The following DSCAML1 variants were observed in gnomAD, a reference collection of about 807,000 sequenced individuals.
DSCAML1 encodes the protein DS cell adhesion molecule like 1.
A neutral mutation model predicts 200.5 loss-of-function variants in DSCAML1; 38 were observed. The observed-to-expected ratio is 0.19, with a 90% CI of 0.15 to 0.25. The LOEUF is 0.25. DSCAML1 is among the 10% of genes least tolerant of loss of function. The probability of loss-of-function intolerance (pLI) is 1.00; values close to 1 mark genes in which losing one functional copy is unlikely to be tolerated. For synonymous variants in DSCAML1, 1,215 were observed against 1,165.0 expected, an observed-to-expected ratio of 1.04 and a Z score of -0.87; for missense variants, 2,223 against 2,858.8, an observed-to-expected ratio of 0.78 and a Z score of 5.07.
At chr11:117,548,884 T>G (rs777624219) in intron 3 of DSCAML1, among the ~76,000 whole-genome samples, 14 of 152,242 alleles carry the variant, frequency 9.2e-5, no homozygotes, top group Non-Finnish European at 1.9e-4. Context: ...GCCGTGGAAC[T>G]GTGCCTCACA....
chr11:117,805,495 GAAA>G (rs1200288061), intron 1 of DSCAML1, among the ~76,000 whole-genome samples: 2 of 152,220 alleles, frequency 1.3e-5, no homozygotes, highest in East Asian at 3.9e-4. Context: ...AATAGGTTTG[GAAA>G]ACAGTGGAAT....
chr11:117,579,361 T>A (rs1184187486), intron 3 of DSCAML1, among the ~76,000 whole-genome samples: 1 of 152,202 alleles, frequency 6.6e-6, no homozygotes, highest in Non-Finnish European at 1.5e-5. Context: ...GGCTCCCCTA[T>A]CCTTGTTGAT....
chr11:117,435,869 T>C (rs1385002177), intron 26 of DSCAML1, 70 bp from the exon 27 acceptor site: 1 of 1,521,116 alleles, frequency 6.6e-7, no homozygotes, highest in Non-Finnish European at 8.9e-7. Context: ...ATCTCATGGG[T>C]GGGGCAGTCC....
chr11:117,444,786 T>C (rs1013643300), intron 20 of DSCAML1, among the ~76,000 whole-genome samples: 9 of 152,312 alleles, frequency 5.9e-5, no homozygotes, highest in Non-Finnish European at 8.8e-5. Flanking sequence ...GGCTCAGATA[T>C]TGAAATGAAT....
At chr11:117,721,836 C>T (rs2054047244) in intron 3 of DSCAML1, among the ~76,000 whole-genome samples, 2 of 147,480 alleles carry the variant, frequency 1.4e-5, no homozygotes, top group South Asian at 4.2e-4. Flanking sequence ...GAGACAGAGT[C>T]TCGCTGTCGC....
intron 17 of DSCAML1, 44 bp from the exon 18 acceptor site, chr11:117,461,640 A>C (rs772491134): frequency 6.3e-7 from 1 of 1,576,890 alleles, no homozygotes; most frequent in Non-Finnish European, 8.6e-7. Context: ...TCAGTCATGG[A>C]TGTGAGTGAC....
chr11:117,496,692 C>A (rs1409418297), intron 11 of DSCAML1, among the ~76,000 whole-genome samples: 1 of 152,140 alleles, frequency 6.6e-6, no homozygotes, highest in East Asian at 1.9e-4. Flanking sequence ...TGGTGATGTG[C>A]TTTTTGCCAC....
At position 117,728,325 on chromosome 11, in the gene DSCAML1, A is replaced by G. The variant is rs983488749; in HGVS notation, c.511+48466T>C. On this transcript the variant is annotated intron_variant, in intron 3 of 32. Transcript: ENST00000651296. ...CTGTGATAAACCTCTAGCTAACATC[A>G]TATGTAATGATGAAAGAGTGGATAC... Among the ~76,000 whole-genome samples the G allele has an allele frequency of 4.6e-5, 7 of 152,220 alleles. No homozygotes were observed. The South Asian group carries it at 1.0e-3, about 23-fold the overall frequency.
chr11:117,488,158 C>T (rs1407513992), intron 11 of DSCAML1, among the ~76,000 whole-genome samples: 5 of 152,186 alleles, frequency 3.3e-5, no homozygotes, highest in African/African-American at 1.2e-4. Flanking sequence ...GAGAACTCTG[C>T]CACTGTGCCC....
chr11:117,633,897 A>G (rs952134796), intron 3 of DSCAML1, among the ~76,000 whole-genome samples: 11 of 152,098 alleles, frequency 7.2e-5, no homozygotes, highest in Admixed American at 7.2e-4. Context: ...GCGCTTTGGC[A>G]TGTGTGGTCA....
Position 117,505,015 on chromosome 11 carries a change from G to A in DSCAML1, c.2091C>T (p.Asn697=). The change falls in exon 10 of 33, where the codon AAC becomes AAT. Residue 697 remains asparagine (N), a synonymous_variant. Coordinates refer to ENST00000651296, the MANE Select transcript of DSCAML1 (RefSeq NM_020693.4). The surrounding 1 kb of genome is among the most constrained non-coding windows in gnomAD (Gnocchi z 6.7). ...RVPPRFVVQP[N]NQDGIYGKAG... ...CTTTGCCGTAGATGCCATCCTGGTT[G>A]TTGGGTTGCACCACAAATCGAGGGG... 1 of 1,612,834 alleles carries A rather than the reference G, an allele frequency of 6.2e-7. No homozygotes were observed. Among genetic ancestry groups the A allele is most frequent in the Non-Finnish European group, 8.5e-7 (1 of 1,179,328 alleles).
intron 22 of DSCAML1, 33 bp downstream of exon 22, chr11:117,439,786 G>A (rs568463290): frequency 3.5e-5 from 55 of 1,590,848 alleles, no homozygotes; most frequent in East Asian, 6.7e-5. Context: ...CCTCTTTGGG[G>A]CCACCCCATC....
At chr11:117,580,469 A>G (rs560069809) in intron 3 of DSCAML1, among the ~76,000 whole-genome samples, 1 of 152,334 alleles carries the variant, frequency 6.6e-6, no homozygotes, top group African/African-American at 2.4e-5. Flanking sequence ...GTATTGGTAA[A>G]AGACAGAGAA....
At chr11:117,482,360 G>C (rs2048946138) in intron 11 of DSCAML1, among the ~76,000 whole-genome samples, 198 bp from the exon 12 acceptor site, 1 of 152,184 alleles carries the variant, frequency 6.6e-6, no homozygotes, top group Middle Eastern at 3.2e-3. Flanking sequence ...CTTCACCGGG[G>C]GTCCCACATT....
At chr11:117,547,497 T>C (rs1428378801) in intron 3 of DSCAML1, among the ~76,000 whole-genome samples, 17 of 152,104 alleles carry the variant, frequency 1.1e-4, no homozygotes, top group Non-Finnish European at 2.9e-5. Context: ...TACACCGCCA[T>C]TAGCCACTGA....
intron 1 of DSCAML1, among the ~76,000 whole-genome samples, chr11:117,811,788 G>C (rs562476197): frequency 6.6e-6 from 1 of 152,162 alleles, no homozygotes; most frequent in Non-Finnish European, 1.5e-5. Flanking sequence ...AGACCATCGC[G>C]GATGCCGAGC....
At position 117,516,830 on chromosome 11, in the gene DSCAML1, C is replaced by G; in HGVS notation, c.1511-91G>C. On this transcript the variant is annotated intron_variant, in intron 7 of 32. Transcript: ENST00000651296. The surrounding 1 kb of genome is among the most constrained non-coding windows in gnomAD (Gnocchi z 5.7). ...CCAGGCACCACCCTGCGGTGCTCTT[C>G]TCAGGCACTCGGCCCCTGAGACTTT... The G allele has an allele frequency of 6.8e-7, 1 of 1,473,636 alleles. No individual in the cohort carries two copies. The allele number at this position is 1,473,636 out of a possible 1,614,324, so 91.3% of individuals were successfully genotyped here. A position where few individuals can be genotyped will look rare whatever the true frequency, so the allele number is the denominator to read the frequency against.
chr11:117,483,564 A>C (rs1233387143), intron 11 of DSCAML1, among the ~76,000 whole-genome samples: 2 of 152,332 alleles, frequency 1.3e-5, no homozygotes, highest in African/African-American at 2.4e-5. Flanking sequence ...GTGAGAACAG[A>C]CAAGACTAGC....
At chr11:117,655,629 T>C (rs1010265452) in intron 3 of DSCAML1, among the ~76,000 whole-genome samples, 3 of 152,216 alleles carry the variant, frequency 2.0e-5, no homozygotes, top group African/African-American at 7.2e-5. Context: ...CACCTGGCCA[T>C]CCTGAAAACC....
Sources: gnomAD v4.1 joint callset for allele counts (sites outside exome capture counted in the v4.1 genomes callset) on GRCh38, gnomAD v4.1.1 for gene constraint, Gnocchi (gnomAD v3.1) non-coding constraint, MANE v1.5 for transcripts, NCBI Gene and HGNC (gene_info 2026-07-23, HGNC 2026-07-21) for gene names.